The following HIGD1B variants were observed in gnomAD, a reference collection of about 807,000 sequenced individuals.
HIGD1B encodes the protein HIG1 domain family member 1B.
In HIGD1B, 9 loss-of-function variants were observed where a neutral mutation model predicts 8.8. That is an observed-to-expected ratio of 1.02 (90% CI 0.62 to 1.78). HIGD1B has a LOEUF of 1.78. Ranked by LOEUF, HIGD1B falls within the 40% of genes most tolerant of loss-of-function variation. The pLI is 0.00. For missense variants in HIGD1B, 126 were observed against 111.8 expected (o/e 1.13, Z -0.57); for synonymous variants, 47 against 38.8 (o/e 1.21, Z -0.78).
Position 44,850,001 on chromosome 17 carries a change from G to A in HIGD1B, c.236-331G>A, listed in dbSNP as rs989857343. 3.1e-5 allele frequency: 8 copies of A among 256,000 alleles called. No homozygotes were observed. The Admixed American group carries it at 3.3e-4, about 10-fold the overall frequency. 15.9% of individuals were successfully genotyped at this position (256,000 alleles called of 1,614,324 possible). A position where few individuals can be genotyped will look rare whatever the true frequency, so the allele number is the denominator to read the frequency against. Reference sequence around the variant, plus strand: ...AAGCAGACAGCCACTTGCTAACTGTGTGACAGTGGACAAATCTTTCTCACT... The same window carrying A: ...AAGCAGACAGCCACTTGCTAACTGTATGACAGTGGACAAATCTTTCTCACT... On this transcript the variant is annotated intron_variant, in intron 2 of 2. Coordinates refer to ENST00000253410, the MANE Select transcript of HIGD1B (RefSeq NM_016438.4).
chr17:44,849,176 T>A, intron 1 of HIGD1B, 78 bp from the exon 2 acceptor site: 22 of 1,452,966 alleles, frequency 1.5e-5, no homozygotes, highest in East Asian at 5.4e-5. Flanking sequence ...ATGCCCAGCC[T>A]GCCTGGTAAG....
At chr17:44,846,920 GGTCA>G (rs2050328613), upstream of HIGD1B, among the ~76,000 whole-genome samples, 2 of 152,106 alleles carry the variant, frequency 1.3e-5, no homozygotes, top group South Asian at 4.1e-4. Flanking sequence ...CGGATCAAGA[GGTCA>G]GGAGTTCAAG....
At chr17:44,849,189 A>G in intron 1 of HIGD1B, 65 bp from the exon 2 acceptor site, 4 of 1,574,514 alleles carry the variant, frequency 2.5e-6, no homozygotes, top group Non-Finnish European at 3.5e-6. Context: ...CTGGTAAGGT[A>G]TCTCTCATCA....
At chr17:44,850,247 G>C (rs1241308845) in intron 2 of HIGD1B, 85 bp from the exon 3 acceptor site, 6 of 1,033,036 alleles carry the variant, frequency 5.8e-6, no homozygotes, top group Non-Finnish European at 8.8e-6. Context: ...GGAGCAGCTA[G>C]AGGTGAACCC....
upstream of HIGD1B, among the ~76,000 whole-genome samples, chr17:44,845,117 G>T (rs912076789): frequency 8.5e-5 from 13 of 152,120 alleles, no homozygotes; most frequent in African/African-American, 1.9e-4. Flanking sequence ...AATTAGCTGG[G>T]CATGGTGGCA....
Position 44,848,145 on chromosome 17 carries a change from C to A in HIGD1B, c.-8C>A. On this transcript the variant is annotated 5_prime_UTR_variant, in exon 1 of 3. Coordinates refer to ENST00000253410, the MANE Select transcript of HIGD1B (RefSeq NM_016438.4). ...GAGTCTCAGCTGCTTACATCCAGGT[C>A]CAGGATTATGTCTGCTAACAGACGC... 1 of 871,656 alleles carries A rather than the reference C, an allele frequency of 1.1e-6. No homozygotes were observed. Among genetic ancestry groups the A allele is most frequent in the South Asian group, 1.3e-5 (1 of 76,404 alleles). 54.0% of individuals were successfully genotyped at this position (871,656 alleles called of 1,614,324 possible).
chr17:44,849,503 T>G, intron 2 of HIGD1B, 115 bp downstream of exon 2: 1 of 1,240,666 alleles, frequency 8.1e-7, no homozygotes, highest in Non-Finnish European at 1.1e-6. Flanking sequence ...GGTTCACGCC[T>G]GTAATCTCAA....
In HIGD1B at chr17:44,848,071, A is replaced by G; in HGVS notation, c.-82A>G. On this transcript the variant is annotated 5_prime_UTR_variant, in exon 1 of 3. Coordinates refer to ENST00000253410, the MANE Select transcript of HIGD1B (RefSeq NM_016438.4). ...CCTTTCCTCTCCAGACTGAGGAATCAGAGTTCTGATTGTGGAGTGCCTCTC... is the reference window on the plus strand; with the variant it reads ...CCTTTCCTCTCCAGACTGAGGAATCGGAGTTCTGATTGTGGAGTGCCTCTC... 1.3e-6 allele frequency: 1 copy of G among 752,534 alleles called. No individual in the cohort carries two copies. Among genetic ancestry groups the G allele is most frequent in the Non-Finnish European group, 2.4e-6 (1 of 419,586 alleles). The allele number at this position is 752,534 out of a possible 1,614,324, so 46.6% of individuals were successfully genotyped here. A position where few individuals can be genotyped will look rare whatever the true frequency, so the allele number is the denominator to read the frequency against.
At chr17:44,850,305 G>A (rs1401128190) in intron 2 of HIGD1B, 27 bp from the exon 3 acceptor site, 25 of 1,594,324 alleles carry the variant, frequency 1.6e-5, no homozygotes, top group Non-Finnish European at 2.0e-5. Flanking sequence ...TGATGCCAAG[G>A]GGCATTATTT....
chr17:44,847,159 C>T (rs1016015691), upstream of HIGD1B, among the ~76,000 whole-genome samples: 7 of 151,858 alleles, frequency 4.6e-5, no homozygotes, highest in African/African-American at 1.2e-4. Context: ...AAGGGCCGGG[C>T]GCGGTGGCTC....
intron 1 of HIGD1B, 28 bp from the exon 2 acceptor site, chr17:44,849,226 G>C: frequency 6.2e-7 from 1 of 1,613,000 alleles, no homozygotes; most frequent in South Asian, 1.1e-5. Flanking sequence ...TGTGGCTGTG[G>C]CCCAGGGGCT....
At chr17:44,845,565 G>T (rs1367177855), upstream of HIGD1B, among the ~76,000 whole-genome samples, 2 of 152,090 alleles carry the variant, frequency 1.3e-5, no homozygotes, top group Non-Finnish European at 2.9e-5. Context: ...GGGAGTATGA[G>T]GCTGCAGTGA....
intron 1 of HIGD1B, 171 bp from the exon 2 acceptor site, chr17:44,849,083 C>A: frequency 1.5e-6 from 1 of 672,436 alleles, no homozygotes; most frequent in Non-Finnish European, 2.4e-6. Context: ...GGCAACAACT[C>A]AATATTCTAA....
chr17:44,845,909 T>C (rs528745028), upstream of HIGD1B, among the ~76,000 whole-genome samples: 8 of 150,582 alleles, frequency 5.3e-5, no homozygotes, highest in Admixed American at 2.0e-4. Context: ...CCAGCCTAGG[T>C]GACAGAGCAA....
chr17:44,849,165 G>C (rs1226042728), intron 1 of HIGD1B, 89 bp from the exon 2 acceptor site: 2 of 1,506,382 alleles, frequency 1.3e-6, no homozygotes, highest in Admixed American at 3.7e-5. Context: ...TGTTTATCCA[G>C]ATGCCCAGCC....
upstream of HIGD1B, among the ~76,000 whole-genome samples, chr17:44,847,409 C>T (rs1043213621): frequency 3.3e-5 from 5 of 152,304 alleles, no homozygotes; most frequent in African/African-American, 1.2e-4. Context: ...GTCCGCAGTC[C>T]GGCCTGGGCG....
At chr17:44,847,275 T>C (rs2050332718), upstream of HIGD1B, among the ~76,000 whole-genome samples, 1 of 149,120 alleles carries the variant, frequency 6.7e-6, no homozygotes, top group Non-Finnish European at 1.5e-5. Context: ...CTACTAAAAA[T>C]ACAAAAAATT....
Position 44,850,361 on chromosome 17 carries a change from G to GCCTT in HIGD1B, c.265_266insCCTT (p.Val89AlafsTer17). Reference sequence around the variant, plus strand: ...TGTGTACACAATGTACAGCGATTACGTCAAGAGGATGGCACAGGATGCTGG... The same window carrying GCCTT: ...TGTGTACACAATGTACAGCGATTACGCCTTTCAAGAGGATGGCACAGGATGCTGG... On this transcript the variant is annotated frameshift_variant, in exon 3 of 3. Coordinates refer to ENST00000253410, the MANE Select transcript of HIGD1B (RefSeq NM_016438.4). LOFTEE classifies it high-confidence loss of function. 1 of 1,613,400 alleles carries GCCTT rather than the reference G, an allele frequency of 6.2e-7. No individual in the cohort carries two copies. The highest frequency in any genetic ancestry group is 8.5e-7 in the Non-Finnish European group (1 of 1,179,622).
intron 2 of HIGD1B, 37 bp from the exon 3 acceptor site, chr17:44,850,295 T>G (rs1271211116): frequency 6.4e-7 from 1 of 1,572,294 alleles, no homozygotes; most frequent in Non-Finnish European, 8.7e-7. Context: ...GTGAAGGGTT[T>G]GATGCCAAGG....
Sources: gnomAD v4.1 joint callset for allele counts (sites outside exome capture counted in the v4.1 genomes callset) on GRCh38, gnomAD v4.1.1 for gene constraint, MANE v1.5 for transcripts, NCBI Gene and HGNC (gene_info 2026-07-23, HGNC 2026-07-21) for gene names.